The following FRMD5 variants were observed in gnomAD, a reference collection of about 807,000 sequenced individuals.
FRMD5 encodes the protein FERM domain containing 5, also known as FERM domain-containing protein 5.
FRMD5 carries 20 observed loss-of-function variants against 69.0 expected under a neutral mutation model. The ratio of observed to expected loss-of-function variants is 0.29; its 90% CI spans 0.20 to 0.42. The LOEUF (loss-of-function observed/expected upper bound fraction) is 0.42, where lower values mean the gene tolerates loss of function less well. Among genes scored for constraint, FRMD5 ranks in the 10% least tolerant of loss-of-function variants. FRMD5 has a pLI of 1.00. For missense variants in FRMD5, 595 were observed against 708.6 expected, an observed-to-expected ratio of 0.84 and a Z score of 1.82; for synonymous variants, 271 against 260.1, an observed-to-expected ratio of 1.04 and a Z score of -0.40.
chr15:43,944,274 C>T (rs570722591), intron 1 of FRMD5, among the ~76,000 whole-genome samples: 1 of 152,318 alleles, frequency 6.6e-6, no homozygotes, highest in South Asian at 2.1e-4. Context: ...CTAATGTGCT[C>T]GGCTCAGATC....
At chr15:43,941,734 T>C (rs1409043409) in intron 1 of FRMD5, among the ~76,000 whole-genome samples, 4 of 152,218 alleles carry the variant, frequency 2.6e-5, no homozygotes, top group East Asian at 3.8e-4. Flanking sequence ...CTGAAACTAA[T>C]TCTGCACAGA....
intron 13 of FRMD5, among the ~76,000 whole-genome samples, chr15:43,875,253 A>AG (rs1393627515): frequency 2.0e-5 from 3 of 149,584 alleles, no homozygotes; most frequent in South Asian, 2.2e-4. Flanking sequence ...GCTACTTTGT[A>AG]GGGGGGCAGA....
intron 1 of FRMD5, among the ~76,000 whole-genome samples, chr15:44,019,997 T>C (rs1358649215): frequency 6.6e-6 from 1 of 152,048 alleles, no homozygotes; most frequent in Non-Finnish European, 1.5e-5. Flanking sequence ...TATTTATTTA[T>C]AAAGAAATAA....
upstream of FRMD5, among the ~76,000 whole-genome samples, chr15:44,195,833 C>G (rs935950760): frequency 6.6e-6 from 1 of 152,234 alleles, no homozygotes; most frequent in African/African-American, 2.4e-5. Flanking sequence ...CTAAAGGGAC[C>G]TCAGAGGTTC....
At chr15:43,938,747 C>A (rs565814459) in intron 1 of FRMD5, among the ~76,000 whole-genome samples, 1 of 152,280 alleles carries the variant, frequency 6.6e-6, no homozygotes, top group African/African-American at 2.4e-5. Flanking sequence ...TAACAGAAAC[C>A]AGTAACTTAG....
At chr15:44,040,695 C>G (rs1478566378) in intron 1 of FRMD5, among the ~76,000 whole-genome samples, 2 of 152,092 alleles carry the variant, frequency 1.3e-5, no homozygotes, top group Non-Finnish European at 2.9e-5. Flanking sequence ...CAACCAGTAC[C>G]AGCCACTGCA....
At chr15:43,951,116 AT>A (rs1209684379) in intron 1 of FRMD5, among the ~76,000 whole-genome samples, 2 of 152,194 alleles carry the variant, frequency 1.3e-5, no homozygotes, top group African/African-American at 4.8e-5. Flanking sequence ...TTCTTCTACC[AT>A]TAGAAAATAT....
chr15:44,016,621 G>A (rs573029810), intron 1 of FRMD5, among the ~76,000 whole-genome samples: 1 of 152,032 alleles, frequency 6.6e-6, no homozygotes, highest in Non-Finnish European at 1.5e-5. Context: ...TACTTGGGAG[G>A]CCAAGGCAGG....
chr15:44,070,389 C>T (rs1893491110), intron 1 of FRMD5, among the ~76,000 whole-genome samples: 1 of 150,998 alleles, frequency 6.6e-6, no homozygotes, highest in South Asian at 2.1e-4. Context: ...GCTTCTGTTC[C>T]AGAATGCTTG....
intron 1 of FRMD5, among the ~76,000 whole-genome samples, chr15:44,162,586 G>C (rs912847596): frequency 3.3e-5 from 5 of 151,926 alleles, no homozygotes; most frequent in Admixed American, 1.3e-4. Context: ...CTCCCATGTC[G>C]GCCGGGCGCG....
At chr15:43,954,269 T>G (rs1490144256) in intron 1 of FRMD5, among the ~76,000 whole-genome samples, 4 of 152,224 alleles carry the variant, frequency 2.6e-5, no homozygotes, top group Non-Finnish European at 4.4e-5. Flanking sequence ...TTCTGCCTGT[T>G]TGCTTACCCA....
At chr15:43,972,339 C>T (rs1387388101) in intron 1 of FRMD5, among the ~76,000 whole-genome samples, 4 of 152,006 alleles carry the variant, frequency 2.6e-5, no homozygotes, top group Admixed American at 2.0e-4. Context: ...AAGTTATTCT[C>T]CTTTGGGTTA....
Position 43,873,000 on chromosome 15 carries a change from A to T in FRMD5, c.*885T>A. 1.7e-6 allele frequency: 1 copy of T among 600,098 alleles called. No individual in the cohort carries two copies. 37.2% of individuals were successfully genotyped at this position (600,098 alleles called of 1,614,324 possible). A position where few individuals can be genotyped will look rare whatever the true frequency, so the allele number is the denominator to read the frequency against. On this transcript the variant is annotated 3_prime_UTR_variant, in exon 14 of 14. Coordinates refer to ENST00000417257, the MANE Select transcript of FRMD5 (RefSeq NM_032892.5). ...CTTTCTCTTAACTACACTTTGTCCAACATTTCTGACAGAACTATCTATCTC... is the reference window on the plus strand; with the variant it reads ...CTTTCTCTTAACTACACTTTGTCCATCATTTCTGACAGAACTATCTATCTC...
At chr15:44,037,172 A>G (rs750639307) in intron 1 of FRMD5, among the ~76,000 whole-genome samples, 6 of 151,450 alleles carry the variant, frequency 4.0e-5, no homozygotes, top group Non-Finnish European at 7.4e-5. Context: ...GGTGTGTGAT[A>G]TTTCCCTCCC....
intron 1 of FRMD5, among the ~76,000 whole-genome samples, chr15:44,090,110 G>C (rs1374773492): frequency 6.6e-6 from 1 of 152,074 alleles, no homozygotes; most frequent in Non-Finnish European, 1.5e-5. Context: ...TTTTAAACTT[G>C]TCTATCCTGA....
intron 7 of FRMD5, among the ~76,000 whole-genome samples, chr15:43,893,053 A>G (rs971066898): frequency 6.6e-6 from 1 of 151,980 alleles, no homozygotes; most frequent in Non-Finnish European, 1.5e-5. Flanking sequence ...GCAGTGAGCC[A>G]AGATTGTACC....
chr15:43,891,029 C>T (rs1334869545), intron 8 of FRMD5, among the ~76,000 whole-genome samples: 1 of 152,192 alleles, frequency 6.6e-6, no homozygotes, highest in Admixed American at 6.5e-5. Flanking sequence ...GACTTCCCCC[C>T]ACTGAGCTCT....
chr15:44,146,054 T>C (rs1433865050), intron 1 of FRMD5, among the ~76,000 whole-genome samples: 6 of 152,206 alleles, frequency 3.9e-5, no homozygotes, highest in East Asian at 3.8e-4. Flanking sequence ...GTTTGTTACA[T>C]AGGTAAACAT....
chr15:43,977,433 ACT>A (rs2090481536), intron 1 of FRMD5, among the ~76,000 whole-genome samples: 1 of 152,046 alleles, frequency 6.6e-6, no homozygotes, highest in Non-Finnish European at 1.5e-5. Context: ...CTTCCTGCTC[ACT>A]GGGGGTGGTG....
Sources: allele counts gnomAD v4.1 joint callset (sites outside exome capture counted in the v4.1 genomes callset), GRCh38; gene constraint gnomAD v4.1.1; transcripts MANE v1.5; gene names NCBI Gene and HGNC (gene_info 2026-07-23, HGNC 2026-07-21).